Variants in TOPAZ1 observed in about 807,000 individuals in gnomAD.
TOPAZ1 encodes protein TOPAZ1.
Under a neutral mutation model 172.2 loss-of-function variants are expected in TOPAZ1, and 66 were observed. The observed-to-expected ratio is 0.38, with a 90% CI of 0.31 to 0.47. The LOEUF (loss-of-function observed/expected upper bound fraction) is 0.47. Ranked by LOEUF, TOPAZ1 falls within the 20% of genes least tolerant of loss-of-function variation. The pLI, the probability that TOPAZ1 is intolerant of heterozygous loss-of-function variation, is 0.99. For synonymous variants in TOPAZ1, 681 were observed against 683.9 expected (o/e 1.00, Z 0.07); for missense variants, 1,822 against 1,972.4 (o/e 0.92, Z 1.44).
chr3:44,279,587 T>A (rs575826192), intron 8 of TOPAZ1, among the ~76,000 whole-genome samples: 65 of 152,244 alleles, frequency 4.3e-4, no homozygotes, highest in African/African-American at 1.5e-3. Flanking sequence ...TTTTTTGTTA[T>A]TTTTTTACTT....
chr3:44,253,588 T>A (rs1482122172), intron 2 of TOPAZ1, among the ~76,000 whole-genome samples: 1 of 152,160 alleles, frequency 6.6e-6, no homozygotes, highest in Non-Finnish European at 1.5e-5. Context: ...ACATTTTGAG[T>A]TGAAGAGGCC....
chr3:44,321,617 G>GCGTTTGAATGT (rs1700506648), intron 17 of TOPAZ1, among the ~76,000 whole-genome samples: 1 of 152,202 alleles, frequency 6.6e-6, no homozygotes, highest in Non-Finnish European at 1.5e-5. Context: ...GTGGGAAATG[G>GCGTTTGAATGT]TAGTCAGTAC....
rs1191417391 is a variant in TOPAZ1 at position 44,242,082 on chromosome 3, C to G, written c.29C>G (p.Thr10Arg). 1.9e-6 allele frequency: 3 copies of G among 1,546,674 alleles called. No individual in the cohort carries two copies. Residue 10 changes from threonine to arginine, a missense_variant, in exon 1 of 20, where the codon ACG (threonine) becomes AGG (arginine). This residue lies in a region of TOPAZ1 where 1,489 missense variants were observed against 1,490.8 expected (regional missense o/e 1.00). Coordinates refer to ENST00000309765, the MANE Select transcript of TOPAZ1 (RefSeq NM_001145030.2). MRRPPPLGP[T>R]TASGPEGNVR... ...CGACGACCTCCACCCCTGGGCCCCA[C>G]GACGGCCTCAGGGCCTGAAGGCAAT...
intron 16 of TOPAZ1, among the ~76,000 whole-genome samples, chr3:44,312,576 C>T (rs541980844): frequency 6.6e-6 from 1 of 152,188 alleles, no homozygotes; most frequent in East Asian, 1.9e-4. Flanking sequence ...GATTTGATGG[C>T]GAGAACAAAT....
chr3:44,298,891 T>TTATA lies in TOPAZ1; in HGVS notation c.3798-5108_3798-5105dup, dbSNP rs201179432. Among the ~76,000 whole-genome samples the TTATA allele has an allele frequency of 1.7e-3, 29 of 17,126 alleles. 1 individual carries two copies. Among genetic ancestry groups the TTATA allele is most frequent in the East Asian group, 8.5e-3 (1 of 118 alleles). 11.2% of individuals were successfully genotyped at this position (17,126 alleles called of 152,430 possible). ...ATAATATATATTTTATGTATATATA[T>TTATA]TATATATATATATATATATTTTTTT... On this transcript the variant is annotated intron_variant, in intron 12 of 19. Coordinates refer to ENST00000309765, the MANE Select transcript of TOPAZ1 (RefSeq NM_001145030.2).
chr3:44,259,546 T>C (rs1403079964), intron 4 of TOPAZ1, among the ~76,000 whole-genome samples: 1 of 152,194 alleles, frequency 6.6e-6, no homozygotes, highest in Non-Finnish European at 1.5e-5. Context: ...GGACACTTGG[T>C]TTGTTTCCAT....
intron 2 of TOPAZ1, among the ~76,000 whole-genome samples, chr3:44,249,786 A>C (rs1173895863): frequency 6.6e-6 from 1 of 152,236 alleles, no homozygotes; most frequent in East Asian, 1.9e-4. Flanking sequence ...AAATGGAGAC[A>C]GTGAATCCTT....
chr3:44,250,707 C>T (rs1253505406), intron 2 of TOPAZ1, among the ~76,000 whole-genome samples: 1 of 152,180 alleles, frequency 6.6e-6, no homozygotes, highest in Admixed American at 6.5e-5. Flanking sequence ...CTGCAAACTA[C>T]CGCAGAACAT....
At chr3:44,300,851 GGAA>G (rs1700264656) in intron 12 of TOPAZ1, among the ~76,000 whole-genome samples, 1 of 128,374 alleles carries the variant, frequency 7.8e-6, no homozygotes. Flanking sequence ...ACCAGAAACT[GGAA>G]AAAAAAAAAA....
intron 12 of TOPAZ1, among the ~76,000 whole-genome samples, chr3:44,291,687 C>A: frequency 6.9e-6 from 1 of 144,814 alleles, no homozygotes; most frequent in Non-Finnish European, 1.5e-5. Context: ...AAAAGGAAGG[C>A]CATGACTTAA....
At chr3:44,242,579 A>C (rs1286183788) in intron 1 of TOPAZ1, among the ~76,000 whole-genome samples, 180 bp downstream of exon 1, 2 of 152,208 alleles carry the variant, frequency 1.3e-5, no homozygotes, top group Admixed American at 6.5e-5. Context: ...ATCCTTGGTC[A>C]GAATTATGAT....
At chr3:44,291,842 A>T (rs1700141878) in intron 12 of TOPAZ1, among the ~76,000 whole-genome samples, 1 of 152,184 alleles carries the variant, frequency 6.6e-6, no homozygotes, top group South Asian at 2.1e-4. Context: ...GAAATCTCCA[A>T]TATGGAGCTT....
chr3:44,305,096 C>A, intron 13 of TOPAZ1, 51 bp from the exon 14 acceptor site: 2 of 1,312,838 alleles, frequency 1.5e-6, no homozygotes, highest in Non-Finnish European at 2.1e-6. Context: ...GCATAAATGA[C>A]ATAGTTTTCA....
At chr3:44,249,266 T>C (rs1272130403) in intron 2 of TOPAZ1, among the ~76,000 whole-genome samples, 2 of 151,940 alleles carry the variant, frequency 1.3e-5, no homozygotes, top group Non-Finnish European at 2.9e-5. Flanking sequence ...GGGGGACTAA[T>C]GTGTTTTAAA....
At chr3:44,313,934 A>G (rs541977788) in intron 16 of TOPAZ1, among the ~76,000 whole-genome samples, 1 of 152,314 alleles carries the variant, frequency 6.6e-6, no homozygotes, top group African/African-American at 2.4e-5. Context: ...GTGTATGAAG[A>G]TGCAGCTTAT....
At chr3:44,259,945 G>T (rs1281384506) in intron 4 of TOPAZ1, among the ~76,000 whole-genome samples, 1 of 152,148 alleles carries the variant, frequency 6.6e-6, no homozygotes, top group African/African-American at 2.4e-5. Flanking sequence ...CACAATCCCT[G>T]CATGTCAAGG....
intron 19 of TOPAZ1, among the ~76,000 whole-genome samples, chr3:44,328,731 G>C (rs1700630952): frequency 6.6e-6 from 1 of 152,116 alleles, no homozygotes; most frequent in African/African-American, 2.4e-5. Flanking sequence ...AACCTTTCTT[G>C]TGTTTAGAGA....
intron 4 of TOPAZ1, among the ~76,000 whole-genome samples, chr3:44,259,162 A>G (rs1003628854): frequency 1.3e-5 from 2 of 152,158 alleles, no homozygotes; most frequent in Non-Finnish European, 2.9e-5. Context: ...AGTGGTTCCA[A>G]CTAGGGCCTG....
chr3:44,258,657 A>G (rs1465797573), intron 4 of TOPAZ1, among the ~76,000 whole-genome samples: 1 of 151,310 alleles, frequency 6.6e-6, no homozygotes, highest in Non-Finnish European at 1.5e-5. Context: ...ATTCATTTTT[A>G]CTGTTTGGTA....
Sources: gnomAD v4.1 joint callset for allele counts (sites outside exome capture counted in the v4.1 genomes callset) on GRCh38, gnomAD v4.1.1 for gene constraint, gnomAD v4.1.1 regional missense constraint, MANE v1.5 for transcripts, NCBI Gene and HGNC (gene_info 2026-07-23, HGNC 2026-07-21) for gene names.